The following VAV2 variants were observed in gnomAD, a reference collection of about 807,000 sequenced individuals.
VAV2 encodes the protein vav guanine nucleotide exchange factor 2.
In VAV2, 67 loss-of-function variants were observed where a neutral mutation model predicts 132.5. The ratio of observed to expected loss-of-function variants is 0.51; its 90% CI spans 0.42 to 0.62. The LOEUF (loss-of-function observed/expected upper bound fraction) is 0.62, where lower values mean the gene tolerates loss of function less well. Among genes scored for constraint, VAV2 ranks in the 20% least tolerant of loss-of-function variants. VAV2 has a pLI of 0.00. For missense variants in VAV2, 938 were observed against 1,153.6 expected (o/e 0.81, Z 2.71); for synonymous variants, 492 against 443.5 (o/e 1.11, Z -1.37).
intron 1 of VAV2, among the ~76,000 whole-genome samples, chr9:133,957,432 G>A (rs1841819629): frequency 6.6e-6 from 1 of 152,160 alleles, no homozygotes; most frequent in African/African-American, 2.4e-5. Flanking sequence ...TTTTTTATGT[G>A]TGTGTGGTGT....
chr9:133,843,892 G>A (rs1272963718), intron 3 of VAV2, among the ~76,000 whole-genome samples: 1 of 152,144 alleles, frequency 6.6e-6, no homozygotes, highest in Non-Finnish European at 1.5e-5. Context: ...TGGGGGCACT[G>A]AGGCACAACC....
At chr9:133,874,779 A>T (rs1838198269) in intron 2 of VAV2, among the ~76,000 whole-genome samples, 2 of 152,088 alleles carry the variant, frequency 1.3e-5, no homozygotes, top group African/African-American at 4.8e-5. Flanking sequence ...ACAGGCGTCT[A>T]CACAGGCAGA....
rs1232810342 is a variant in VAV2 at position 133,969,358 on chromosome 9, A to T, written c.204+22717T>A. ...GCCAATCAGACGTCTCTCTCCAGGGATCTGACAGTGCCAGAGGCTGCTAAG... is the reference window on the plus strand; with the variant it reads ...GCCAATCAGACGTCTCTCTCCAGGGTTCTGACAGTGCCAGAGGCTGCTAAG... On this transcript the variant is annotated intron_variant, in intron 1 of 29. Transcript: ENST00000371850. This position sits in a 1 kb window ranked among gnomAD's most constrained non-coding sequence, Gnocchi z 5.1. Among the ~76,000 whole-genome samples, 1 of 152,148 alleles carries T rather than the reference A, an allele frequency of 6.6e-6. No individual in the cohort carries two copies. Among genetic ancestry groups the T allele is most frequent in the Non-Finnish European group, 1.5e-5 (1 of 68,024 alleles).
chr9:133,768,538 A>G lies in VAV2; in HGVS notation c.2493T>C (p.Asp831=), dbSNP rs769286360. The G allele has an allele frequency of 6.9e-5, 111 of 1,613,740 alleles. No individual in the cohort carries two copies. The highest frequency in any genetic ancestry group is 9.2e-5 in the Non-Finnish European group (108 of 1,179,960). ...CCTCCCGCAGCGAAAGCTCCCTCAT[A>G]TCTCGGGCGGCAAAGTTATACCTGG... The part of the protein sequence containing the change: ...AVARYNFAAR[D]MRELSLREGD... The change falls in exon 29 of 30, where the codon GAT becomes GAC. Residue 831 remains aspartate, a synonymous_variant. Transcript: ENST00000371850. This position sits in a 1 kb window ranked among gnomAD's most constrained non-coding sequence, Gnocchi z 5.3.
At chr9:133,888,500 T>C (rs1389334316) in intron 2 of VAV2, among the ~76,000 whole-genome samples, 1 of 152,176 alleles carries the variant, frequency 6.6e-6, no homozygotes, top group East Asian at 1.9e-4. Context: ...GACATGTCTG[T>C]CCCTACACCA....
intron 1 of VAV2, among the ~76,000 whole-genome samples, chr9:133,979,081 T>C (rs1356927560): frequency 6.6e-6 from 1 of 152,074 alleles, no homozygotes; most frequent in Non-Finnish European, 1.5e-5. Context: ...AGTGGGCACA[T>C]GGGGAGGGGC....
At chr9:133,864,316 G>T (rs908504274) in intron 2 of VAV2, among the ~76,000 whole-genome samples, 19 of 152,204 alleles carry the variant, frequency 1.2e-4, no homozygotes, top group African/African-American at 4.6e-4. Context: ...AGGCATGCTG[G>T]GGAGCCCACC....
intron 1 of VAV2, among the ~76,000 whole-genome samples, chr9:133,973,846 G>C (rs1463664143): frequency 6.6e-6 from 1 of 152,170 alleles, no homozygotes; most frequent in East Asian, 1.9e-4. Flanking sequence ...CCCAGGCCTT[G>C]GGATAAGCAT....
rs898166447 is a variant in VAV2, at chr9:133,969,558, C to T, written c.204+22517G>A. Among the ~76,000 whole-genome samples the T allele has an allele frequency of 2.0e-5, 3 of 152,074 alleles. No individual in the cohort carries two copies. The highest frequency in any genetic ancestry group is 7.2e-5 in the African/African-American group (3 of 41,406). ...CCCCAACCCTGACCAGAGCGGATTC[C>T]AGGAAGGCTGCTGGGAGAACCCAGA... On this transcript the variant is annotated intron_variant, in intron 1 of 29. Transcript: ENST00000371850. The surrounding 1 kb of genome is among the most constrained non-coding windows in gnomAD (Gnocchi z 5.1).
At chr9:133,938,258 C>T (rs535043714) in intron 2 of VAV2, among the ~76,000 whole-genome samples, 1 of 152,334 alleles carries the variant, frequency 6.6e-6, no homozygotes, top group Admixed American at 6.5e-5. Context: ...CAACAGCAGG[C>T]GGGGGCCTGG....
At position 133,942,029 on chromosome 9, in the gene VAV2, A is replaced by T. The variant is rs530904898; in HGVS notation, c.205-2810T>A. ...GGGAACAGAGCTCTTGCTTGGGAAG[A>T]CCAGAGAGTTCTGTGGATGGTGGTG... On this transcript the variant is annotated intron_variant, in intron 1 of 29. Coordinates refer to ENST00000371850, the MANE Select transcript of VAV2 (RefSeq NM_001134398.2). Among the ~76,000 whole-genome samples, 37 of 152,356 alleles carry T rather than the reference A, an allele frequency of 2.4e-4. No individual in the cohort carries two copies. In the East Asian group the frequency reaches 6.6e-3, roughly 27 times the overall value.
At chr9:133,787,409 GGGAAA>G in intron 15 of VAV2, 149 bp from the exon 16 acceptor site, 1 of 943,780 alleles carries the variant, frequency 1.1e-6, no homozygotes. Context: ...GTGATCAGTG[GGGAAA>G]GGAATTTCTT....
intron 1 of VAV2, among the ~76,000 whole-genome samples, chr9:133,948,689 C>T (rs1190751182): frequency 6.6e-6 from 1 of 152,224 alleles, no homozygotes; most frequent in Non-Finnish European, 1.5e-5. Flanking sequence ...CACTAACACT[C>T]GATGTGCTAA....
chr9:133,925,200 T>TA (rs148144442), intron 2 of VAV2, among the ~76,000 whole-genome samples: 1 of 152,328 alleles, frequency 6.6e-6, no homozygotes, highest in East Asian at 1.9e-4. Context: ...ACTCTTATGT[T>TA]ATTTTATCAC....
intron 2 of VAV2, among the ~76,000 whole-genome samples, chr9:133,934,058 G>T: frequency 6.9e-6 from 1 of 145,854 alleles, no homozygotes; most frequent in East Asian, 1.9e-4. Flanking sequence ...ACAGATGAAT[G>T]ATTGATGGAT....
chr9:133,893,098 A>T (rs550335379), intron 2 of VAV2, among the ~76,000 whole-genome samples: 17 of 152,184 alleles, frequency 1.1e-4, no homozygotes, highest in Non-Finnish European at 2.2e-4. Flanking sequence ...GCACGGTCCA[A>T]GATCTATGGC....
chr9:133,857,781 G>A lies in VAV2; in HGVS notation c.380+3593C>T, dbSNP rs192599235. Reference sequence around the variant, plus strand: ...TCACCTGTCTCCTGAGCTCCCGGGTGAGCGTGTGAACCAGTGGAGGTCTGC... The same window carrying A: ...TCACCTGTCTCCTGAGCTCCCGGGTAAGCGTGTGAACCAGTGGAGGTCTGC... On this transcript the variant is annotated intron_variant, in intron 3 of 29. Coordinates refer to ENST00000371850, the MANE Select transcript of VAV2 (RefSeq NM_001134398.2). This position sits in a 1 kb window ranked among gnomAD's most constrained non-coding sequence, Gnocchi z 4.0. Among the ~76,000 whole-genome samples, 219 of 152,292 alleles carry A rather than the reference G, an allele frequency of 1.4e-3. No homozygotes were observed. The highest frequency in any genetic ancestry group is 5.1e-3 in the African/African-American group (211 of 41,568).
At chr9:133,960,716 G>T (rs1318030490) in intron 1 of VAV2, among the ~76,000 whole-genome samples, 1 of 152,246 alleles carries the variant, frequency 6.6e-6, no homozygotes, top group African/African-American at 2.4e-5. Flanking sequence ...CCCAGCCCCG[G>T]CATGTGGCGC....
intron 2 of VAV2, among the ~76,000 whole-genome samples, chr9:133,896,805 A>AAAC (rs1839222321): frequency 6.6e-6 from 1 of 152,184 alleles, no homozygotes; most frequent in Non-Finnish European, 1.5e-5. Flanking sequence ...TCAAAAAAAA[A>AAAC]TCCAACCAGG....
Sources: allele counts gnomAD v4.1 joint callset (sites outside exome capture counted in the v4.1 genomes callset), GRCh38; gene constraint gnomAD v4.1.1; non-coding constraint Gnocchi (gnomAD v3.1); transcripts MANE v1.5; gene names NCBI Gene and HGNC (gene_info 2026-07-23, HGNC 2026-07-21).